The following SNTG1 variants were observed in gnomAD, a reference collection of about 807,000 sequenced individuals.
The protein encoded by SNTG1 is gamma-1-syntrophin.
In SNTG1, 39 loss-of-function variants were observed where a neutral mutation model predicts 74.7. The ratio of observed to expected loss-of-function variants is 0.52; its 90% CI spans 0.40 to 0.68. The LOEUF is 0.68. SNTG1 is among the 30% of genes least tolerant of loss of function. The pLI is 0.00. For synonymous variants in SNTG1, 254 were observed against 217.1 expected, an observed-to-expected ratio of 1.17 and a Z score of -1.49; for missense variants, 685 against 609.5, an observed-to-expected ratio of 1.12 and a Z score of -1.30.
At chr8:50,077,896 C>A (rs145554392) in intron 1 of SNTG1, among the ~76,000 whole-genome samples, 2 of 152,212 alleles carry the variant, frequency 1.3e-5, no homozygotes, top group African/African-American at 4.8e-5. Context: ...ACCTTTAGGT[C>A]TTTGATTAAA....
At chr8:49,911,369 G>A (rs956784070), upstream of SNTG1, 1 of 151,750 alleles carries the variant, frequency 6.6e-6, no homozygotes, top group Non-Finnish European at 1.5e-5. Flanking sequence ...CCTCTCTCGT[G>A]CGTGTATGTG....
chr8:50,030,332 A>G (rs888318342), intron 1 of SNTG1, among the ~76,000 whole-genome samples: 1 of 151,910 alleles, frequency 6.6e-6, no homozygotes, highest in African/African-American at 2.4e-5. Flanking sequence ...TTGTTGGCAG[A>G]AGCTTTTTAG....
chr8:49,956,656 C>T (rs1314196786), intron 1 of SNTG1, among the ~76,000 whole-genome samples: 1 of 152,058 alleles, frequency 6.6e-6, no homozygotes, highest in Non-Finnish European at 1.5e-5. Flanking sequence ...ATATTCTCTG[C>T]ATGTATTTGT....
intron 1 of SNTG1, among the ~76,000 whole-genome samples, chr8:49,945,933 T>C (rs1372004910): frequency 6.6e-6 from 1 of 152,196 alleles, no homozygotes; most frequent in Admixed American, 6.5e-5. Context: ...CAGGTCATTA[T>C]AAGCATCTTC....
chr8:50,442,493 T>C (rs991033459), intron 5 of SNTG1, among the ~76,000 whole-genome samples: 10 of 152,028 alleles, frequency 6.6e-5, no homozygotes, highest in Non-Finnish European at 4.4e-5. Context: ...TCCTTGCTTA[T>C]CCAAGATATT....
At chr8:49,974,899 G>C (rs1812049601) in intron 1 of SNTG1, among the ~76,000 whole-genome samples, 1 of 152,106 alleles carries the variant, frequency 6.6e-6, no homozygotes, top group Non-Finnish European at 1.5e-5. Flanking sequence ...AACAAAATTA[G>C]GCATAATCCC....
At chr8:50,157,038 C>G (rs540834263) in intron 1 of SNTG1, among the ~76,000 whole-genome samples, 3 of 152,034 alleles carry the variant, frequency 2.0e-5, no homozygotes, top group Non-Finnish European at 4.4e-5. Context: ...AATAGATAAG[C>G]AAATGGTTTT....
chr8:50,392,131 G>A (rs897590705), intron 2 of SNTG1, among the ~76,000 whole-genome samples: 1 of 152,150 alleles, frequency 6.6e-6, no homozygotes, highest in Admixed American at 6.5e-5. Context: ...TAATGTATCA[G>A]CAATGGTTCA....
intron 2 of SNTG1, among the ~76,000 whole-genome samples, chr8:50,370,482 G>T (rs1416145858): frequency 5.8e-4 from 88 of 152,130 alleles, no homozygotes; most frequent in Non-Finnish European, 2.1e-4. Flanking sequence ...GCCAGTAGAG[G>T]AGGCTTCTCC....
chr8:50,442,680 T>TAAAAAAAAAAAAAAAAAAAAAAAA (rs5891365), intron 5 of SNTG1, among the ~76,000 whole-genome samples: 4 of 81,168 alleles, frequency 4.9e-5, no homozygotes, highest in African/African-American at 1.5e-4. Context: ...TGTCTATCAG[T>TAAAAAAAAAAAAAAAAAAAAAAAA]AAAAAAAAAA....
At chr8:50,127,307 A>G (rs550063003) in intron 1 of SNTG1, among the ~76,000 whole-genome samples, 26 of 152,274 alleles carry the variant, frequency 1.7e-4, no homozygotes, top group African/African-American at 4.6e-4. Flanking sequence ...TTGCATTAAA[A>G]TACATCTTAG....
At chr8:50,170,719 G>C (rs2082775137) in intron 1 of SNTG1, among the ~76,000 whole-genome samples, 1 of 152,212 alleles carries the variant, frequency 6.6e-6, no homozygotes, top group Non-Finnish European at 1.5e-5. Context: ...TCCAGGCTGT[G>C]TTTGCATCTG....
At chr8:50,016,885 T>C (rs1816373076) in intron 1 of SNTG1, among the ~76,000 whole-genome samples, 1 of 152,064 alleles carries the variant, frequency 6.6e-6, no homozygotes, top group African/African-American at 2.4e-5. Flanking sequence ...CACCAACTAA[T>C]AAGACTAACA....
chr8:49,954,911 A>G (rs1052051977), intron 1 of SNTG1, among the ~76,000 whole-genome samples: 10 of 152,198 alleles, frequency 6.6e-5, no homozygotes, highest in Admixed American at 5.9e-4. Flanking sequence ...CTAAATGTTT[A>G]TTTTCCAGTA....
intron 15 of SNTG1, among the ~76,000 whole-genome samples, chr8:50,687,479 G>A (rs1003505732): frequency 6.6e-6 from 1 of 152,166 alleles, no homozygotes; most frequent in Non-Finnish European, 1.5e-5. Flanking sequence ...CAGAATCAGA[G>A]GTAGCAATAC....
intron 8 of SNTG1, among the ~76,000 whole-genome samples, chr8:50,453,608 A>G (rs2093475854): frequency 6.6e-6 from 1 of 152,354 alleles, no homozygotes; most frequent in African/African-American, 2.4e-5. Context: ...TCACTCTATT[A>G]TGTATTCATA....
At chr8:50,407,216 G>A (rs571825888) in intron 4 of SNTG1, among the ~76,000 whole-genome samples, 1 of 152,276 alleles carries the variant, frequency 6.6e-6, no homozygotes, top group South Asian at 2.1e-4. Flanking sequence ...AGAGCAGAAA[G>A]TCTCATCTGA....
intron 12 of SNTG1, among the ~76,000 whole-genome samples, chr8:50,579,080 G>A (rs541257979): frequency 6.6e-6 from 1 of 152,272 alleles, no homozygotes; most frequent in African/African-American, 2.4e-5. Flanking sequence ...GGGGAAGTTA[G>A]GAACTTCCTT....
chr8:50,394,324 T>G, intron 3 of SNTG1, 59 bp downstream of exon 3: 2 of 1,548,580 alleles, frequency 1.3e-6, no homozygotes, highest in Non-Finnish European at 8.8e-7. Flanking sequence ...CGGGAAACAC[T>G]TGGCTCCAAT....
Sources: gnomAD v4.1 joint callset for allele counts (sites outside exome capture counted in the v4.1 genomes callset) on GRCh38, gnomAD v4.1.1 for gene constraint, MANE v1.5 for transcripts, NCBI Gene and HGNC (gene_info 2026-07-23, HGNC 2026-07-21) for gene names.